The following SLMAP variants were observed in gnomAD, a reference collection of about 807,000 sequenced individuals.
SLMAP encodes sarcolemmal membrane-associated protein.
In SLMAP, 44 loss-of-function variants were observed where a neutral mutation model predicts 128.8. That is an observed-to-expected ratio of 0.34 (90% CI 0.27 to 0.44). The LOEUF is 0.44. Ranked by LOEUF, SLMAP falls within the 20% of genes least tolerant of loss-of-function variation. The probability of loss-of-function intolerance (pLI) is 1.00; values close to 1 mark genes in which losing one functional copy is unlikely to be tolerated. For synonymous variants in SLMAP, 327 were observed against 348.8 expected (o/e 0.94, Z 0.70); for missense variants, 787 against 985.3 (o/e 0.80, Z 2.69).
At chr3:57,889,557 A>T (rs960506727) in intron 14 of SLMAP, among the ~76,000 whole-genome samples, 3 of 152,068 alleles carry the variant, frequency 2.0e-5, no homozygotes, top group African/African-American at 7.2e-5. Flanking sequence ...ACAAAACAAA[A>T]TTTTTTTATT....
At chr3:57,848,701 T>A in intron 5 of SLMAP, among the ~76,000 whole-genome samples, 1 of 130,208 alleles carries the variant, frequency 7.7e-6, no homozygotes, top group East Asian at 2.6e-4. Context: ...TTCTTCCTCC[T>A]CCTACTCCTT....
chr3:57,849,599 A>T (rs2094432223), intron 5 of SLMAP, among the ~76,000 whole-genome samples, 155 bp from the exon 6 acceptor site: 1 of 152,206 alleles, frequency 6.6e-6, no homozygotes, highest in Non-Finnish European at 1.5e-5. Flanking sequence ...GAAAAGAAAA[A>T]AATTTAAAAG....
chr3:57,917,260 T>C, intron 22 of SLMAP, 183 bp downstream of exon 22: 2 of 1,436,376 alleles, frequency 1.4e-6, no homozygotes, highest in Non-Finnish European at 1.8e-6. Flanking sequence ...TGTAGAGAAT[T>C]CTTCAGTAGG....
chr3:57,927,216 ACT>A, intron 24 of SLMAP, 78 bp from the exon 25 acceptor site: 2 of 750,130 alleles, frequency 2.7e-6, no homozygotes, highest in Middle Eastern at 2.4e-4. Context: ...AGTATTCAGG[ACT>A]CTCTGGAACC....
At chr3:57,835,312 G>A (rs1316269485) in intron 3 of SLMAP, among the ~76,000 whole-genome samples, 1 of 151,654 alleles carries the variant, frequency 6.6e-6, no homozygotes, top group Non-Finnish European at 1.5e-5. Flanking sequence ...TTAATTAGCT[G>A]TGGGCCTGGC....
intron 21 of SLMAP, among the ~76,000 whole-genome samples, chr3:57,915,972 C>T (rs187531019): frequency 3.0e-4 from 45 of 152,164 alleles, no homozygotes; most frequent in Admixed American, 2.2e-3. Flanking sequence ...GCCTGACCAA[C>T]GTGGAGAAAC....
intron 2 of SLMAP, among the ~76,000 whole-genome samples, chr3:57,802,160 G>C (rs1014507723): frequency 6.6e-6 from 1 of 152,036 alleles, no homozygotes; most frequent in East Asian, 1.9e-4. Context: ...GTTACGCAAC[G>C]ATCACTGTAA....
chr3:57,798,127 G>A lies in SLMAP; in HGVS notation c.199-33256G>A, dbSNP rs111454629. 3.2e-3 allele frequency among the ~76,000 whole-genome samples: 494 copies of A among 152,318 alleles called. 3 individuals are homozygous for A. Among genetic ancestry groups the A allele is most frequent in the African/African-American group, 0.011 (468 of 41,578 alleles). ...AAATGTTAACTAATTTTATTGGTAT[G>A]TAAGCTCCTTTCTAAGCAGTCATTT... On this transcript the variant is annotated intron_variant, in intron 2 of 24. Transcript: ENST00000671191.
intron 22 of SLMAP, among the ~76,000 whole-genome samples, chr3:57,921,256 T>C (rs1432722694): frequency 6.6e-6 from 1 of 152,188 alleles, no homozygotes; most frequent in East Asian, 1.9e-4. Context: ...AAGATGTGAC[T>C]CTATCTGAAA....
At chr3:57,837,597 C>T (rs973823828) in intron 3 of SLMAP, among the ~76,000 whole-genome samples, 3 of 152,134 alleles carry the variant, frequency 2.0e-5, no homozygotes, top group Admixed American at 2.0e-4. Context: ...TCTCTCTCTC[C>T]TGACCTCGTG....
intron 6 of SLMAP, among the ~76,000 whole-genome samples, chr3:57,856,657 C>T (rs1374930055): frequency 1.3e-5 from 2 of 151,256 alleles, no homozygotes; most frequent in African/African-American, 2.4e-5. Flanking sequence ...AGGTATTTTA[C>T]AGTTAATGTT....
intron 2 of SLMAP, chr3:57,800,875 C>T (rs529909243): frequency 5.4e-5 from 10 of 186,646 alleles, no homozygotes; most frequent in Non-Finnish European, 8.0e-5. Context: ...TCATCTTTTC[C>T]GTTATACTCA....
chr3:57,911,522 A>G (rs2096696955), intron 19 of SLMAP, among the ~76,000 whole-genome samples: 1 of 152,204 alleles, frequency 6.6e-6, no homozygotes, highest in Admixed American at 6.5e-5. Flanking sequence ...GGTATTTTTA[A>G]AAATCTATAT....
intron 10 of SLMAP, among the ~76,000 whole-genome samples, chr3:57,864,291 C>T (rs892206901): frequency 9.9e-5 from 15 of 152,112 alleles, no homozygotes; most frequent in African/African-American, 3.1e-4. Flanking sequence ...CCTGTAATCC[C>T]AGCTACTTGG....
chr3:57,852,770 A>G (rs1381043580), intron 6 of SLMAP, among the ~76,000 whole-genome samples: 1 of 152,230 alleles, frequency 6.6e-6, no homozygotes, highest in Non-Finnish European at 1.5e-5. Context: ...GTTACTAGTC[A>G]TCGTGGATAG....
At chr3:57,816,785 A>C (rs527903045) in intron 2 of SLMAP, among the ~76,000 whole-genome samples, 1 of 152,340 alleles carries the variant, frequency 6.6e-6, no homozygotes, top group South Asian at 2.1e-4. Flanking sequence ...TATCTGAAAG[A>C]AATCTTATTT....
At chr3:57,829,115 G>A (rs542170325) in intron 2 of SLMAP, among the ~76,000 whole-genome samples, 1 of 152,150 alleles carries the variant, frequency 6.6e-6, no homozygotes, top group Non-Finnish European at 1.5e-5. Flanking sequence ...TTGAAAATAT[G>A]TTGTGGTTTT....
intron 24 of SLMAP, among the ~76,000 whole-genome samples, chr3:57,926,928 A>G (rs1340462772): frequency 6.6e-6 from 1 of 152,212 alleles, no homozygotes; most frequent in Non-Finnish European, 1.5e-5. Flanking sequence ...TTAGGCAGAA[A>G]CATACTACAG....
intron 17 of SLMAP, chr3:57,897,673 A>G (rs2096273732): frequency 6.6e-6 from 1 of 152,070 alleles, no homozygotes; most frequent in African/African-American, 2.4e-5. Context: ...AGCCTGGGCA[A>G]TAAGAGCAAA....
Sources: allele counts gnomAD v4.1 joint callset (sites outside exome capture counted in the v4.1 genomes callset), GRCh38; gene constraint gnomAD v4.1.1; transcripts MANE v1.5; gene names NCBI Gene and HGNC (gene_info 2026-07-23, HGNC 2026-07-21).